The following KIAA1671 variants were observed in gnomAD, a reference collection of about 807,000 sequenced individuals.
KIAA1671 encodes KIAA1671.
KIAA1671 carries 52 observed loss-of-function variants against 131.2 expected under a neutral mutation model. That is an observed-to-expected ratio of 0.40 (90% CI 0.32 to 0.50). The LOEUF is 0.50. Among genes scored for constraint, KIAA1671 ranks in the 20% least tolerant of loss-of-function variants. The pLI, the probability that KIAA1671 is intolerant of heterozygous loss-of-function variation, is 0.73. For missense variants in KIAA1671, 2,360 were observed against 2,364.2 expected, an observed-to-expected ratio of 1.00 and a Z score of 0.04; for synonymous variants, 1,003 against 961.6, an observed-to-expected ratio of 1.04 and a Z score of -0.80.
intron 1 of KIAA1671, among the ~76,000 whole-genome samples, chr22:24,992,152 T>C (rs1923875361): frequency 6.6e-6 from 1 of 152,180 alleles, no homozygotes; most frequent in African/African-American, 2.4e-5. Flanking sequence ...GCTTAGGGAT[T>C]TTCCTTCGGG....
intron 6 of KIAA1671, among the ~76,000 whole-genome samples, chr22:25,099,807 C>T (rs1405988343): frequency 8.5e-5 from 13 of 152,170 alleles, no homozygotes; most frequent in Non-Finnish European, 1.9e-4. Flanking sequence ...GCCACCGCAC[C>T]TGGCCAAATA....
rs910031718 is a variant in KIAA1671, at chr22:25,028,199, C to A, written c.200C>A (p.Ala67Asp). 13 of 1,550,726 alleles carry A rather than the reference C, an allele frequency of 8.4e-6. No individual in the cohort carries two copies. Among genetic ancestry groups the A allele is most frequent in the Admixed American group, 2.0e-5 (1 of 50,940 alleles). The change falls in exon 3 of 13, where the codon GCC (alanine) becomes GAC (aspartate). Residue 67 changes from alanine to aspartate, a missense_variant. This residue lies in a region of KIAA1671 where 1,185 missense variants were observed against 1,126.2 expected (regional missense o/e 1.05). Coordinates refer to ENST00000358431, the MANE Select transcript of KIAA1671 (RefSeq NM_001145206.2). Reference sequence around the variant, plus strand: ...CGGTTACTCCCTCTGCCAAGGCTCGCCCCCAAACCCTTCTCGAAGGAGCAG... The same window carrying A: ...CGGTTACTCCCTCTGCCAAGGCTCGACCCCAAACCCTTCTCGAAGGAGCAG... ...PARLLPLPRL[A>D]PKPFSKEQDV...
At chr22:25,152,585 C>G (rs1346164793) in intron 6 of KIAA1671, among the ~76,000 whole-genome samples, 1 of 152,180 alleles carries the variant, frequency 6.6e-6, no homozygotes, top group African/African-American at 2.4e-5. Flanking sequence ...ATTCAAAAAG[C>G]TCTCATTTGA....
chr22:24,980,878 C>T (rs1488671671), intron 1 of KIAA1671, among the ~76,000 whole-genome samples: 4 of 151,988 alleles, frequency 2.6e-5, no homozygotes, highest in Admixed American at 2.6e-4. Flanking sequence ...TCCTGAGTAG[C>T]TGGGATTACA....
At chr22:25,187,583 T>G (rs575949569) in intron 11 of KIAA1671, among the ~76,000 whole-genome samples, 1 of 152,140 alleles carries the variant, frequency 6.6e-6, no homozygotes, top group Non-Finnish European at 1.5e-5. Context: ...ATGGCATGAT[T>G]ATAGCCTCGA....
chr22:25,174,033 G>A (rs944331873), intron 7 of KIAA1671, among the ~76,000 whole-genome samples: 1 of 152,266 alleles, frequency 6.6e-6, no homozygotes, highest in East Asian at 1.9e-4. Flanking sequence ...ACCTGGCCAG[G>A]TGTTCCAGGC....
intron 5 of KIAA1671, 103 bp downstream of exon 5, chr22:25,041,628 G>A: frequency 9.0e-6 from 11 of 1,227,118 alleles, no homozygotes; most frequent in Non-Finnish European, 1.1e-5. Context: ...GTACATAAAT[G>A]AGTGGAGTCA....
chr22:25,190,008 T>C (rs1165029872), intron 11 of KIAA1671, among the ~76,000 whole-genome samples: 1 of 152,222 alleles, frequency 6.6e-6, no homozygotes, highest in Non-Finnish European at 1.5e-5. Context: ...GGACCAGTTT[T>C]GTGAAAGACA....
chr22:25,095,152 A>C (rs1461223406), intron 6 of KIAA1671, among the ~76,000 whole-genome samples: 2 of 152,138 alleles, frequency 1.3e-5, no homozygotes, highest in African/African-American at 4.8e-5. Context: ...CACAACACCG[A>C]ACATCTCTGA....
At chr22:24,993,095 G>A (rs1056981623) in intron 1 of KIAA1671, among the ~76,000 whole-genome samples, 1 of 151,958 alleles carries the variant, frequency 6.6e-6, no homozygotes, top group Non-Finnish European at 1.5e-5. Context: ...CCTCTAATCT[G>A]CCTTGAAGCC....
intron 6 of KIAA1671, among the ~76,000 whole-genome samples, chr22:25,122,610 T>C (rs1931995349): frequency 6.6e-6 from 1 of 152,174 alleles, no homozygotes; most frequent in Non-Finnish European, 1.5e-5. Flanking sequence ...GAATTCTTTC[T>C]TGGACAAAGC....
At chr22:25,064,376 CCTTA>C (rs1257784017) in intron 6 of KIAA1671, 2 of 152,196 alleles carry the variant, frequency 1.3e-5, no homozygotes, top group African/African-American at 4.8e-5. Flanking sequence ...TGTGTTGAGC[CCTTA>C]CTGTGTACTG....
At chr22:25,030,173 A>G (rs1214911125) in intron 3 of KIAA1671, among the ~76,000 whole-genome samples, 1 of 152,204 alleles carries the variant, frequency 6.6e-6, no homozygotes, top group African/African-American at 2.4e-5. Flanking sequence ...CCGATGTTCT[A>G]AGTCAGCTGG....
At chr22:25,099,650 G>A (rs1054464648) in intron 6 of KIAA1671, among the ~76,000 whole-genome samples, 2 of 146,956 alleles carry the variant, frequency 1.4e-5, no homozygotes, top group Admixed American at 1.4e-4. Flanking sequence ...TGCCTCCCGG[G>A]TTCACAGGTG....
At chr22:25,036,032 C>G (rs1926573461) in intron 4 of KIAA1671, among the ~76,000 whole-genome samples, 1 of 152,182 alleles carries the variant, frequency 6.6e-6, no homozygotes, top group Non-Finnish European at 1.5e-5. Context: ...GATTATACCA[C>G]TGCACTCCAA....
intron 1 of KIAA1671, among the ~76,000 whole-genome samples, chr22:24,982,073 G>A (rs1272664545): frequency 6.6e-6 from 1 of 152,130 alleles, no homozygotes; most frequent in East Asian, 1.9e-4. Context: ...AGTCCCCCAA[G>A]CTCTGTCATC....
chr22:25,158,680 C>T (rs1933328209), intron 6 of KIAA1671, among the ~76,000 whole-genome samples: 1 of 152,168 alleles, frequency 6.6e-6, no homozygotes. Context: ...AGGCCACTAA[C>T]TTGAAGCCCA....
At chr22:25,027,238 G>A (rs1470803314) in intron 2 of KIAA1671, among the ~76,000 whole-genome samples, 1 of 152,158 alleles carries the variant, frequency 6.6e-6, no homozygotes, top group Non-Finnish European at 1.5e-5. Context: ...CTGGAAGGGT[G>A]GGGGAGGGGA....
intron 6 of KIAA1671, chr22:25,050,033 T>C (rs1012697591): frequency 1.3e-5 from 2 of 152,304 alleles, no homozygotes; most frequent in African/African-American, 2.4e-5. Flanking sequence ...ATTCATGAAG[T>C]GCTTAGCATG....
Sources: allele counts gnomAD v4.1 joint callset (sites outside exome capture counted in the v4.1 genomes callset), GRCh38; gene constraint gnomAD v4.1.1; regional missense constraint gnomAD v4.1.1; transcripts MANE v1.5; gene names NCBI Gene and HGNC (gene_info 2026-07-23, HGNC 2026-07-21).